The following OLA1 variants were observed in gnomAD, a reference collection of about 807,000 sequenced individuals.
OLA1 encodes obg-like ATPase 1.
Under a neutral mutation model 48.4 loss-of-function variants are expected in OLA1, and 14 were observed. That is an observed-to-expected ratio of 0.29 (90% CI 0.19 to 0.45). The LOEUF is 0.45. OLA1 is among the 20% of genes least tolerant of loss of function. The pLI is 1.00. For synonymous variants in OLA1, 127 were observed against 150.4 expected (o/e 0.84, Z 1.14); for missense variants, 325 against 467.1 (o/e 0.70, Z 2.80).
At chr2:174,176,390 T>G (rs905989543) in intron 4 of OLA1, among the ~76,000 whole-genome samples, 4 of 152,160 alleles carry the variant, frequency 2.6e-5, no homozygotes, top group African/African-American at 9.6e-5. Flanking sequence ...TTTCAAAAAT[T>G]ATTTTGGCCT....
chr2:174,229,537 G>C (rs958919375), intron 2 of OLA1, 86 bp from the exon 3 acceptor site: 195 of 931,848 alleles, frequency 2.1e-4, no homozygotes, highest in Non-Finnish European at 2.1e-4. Context: ...GCTCAAATAA[G>C]ATCCATGAGG....
At chr2:174,167,185 T>C (rs979529912) in intron 4 of OLA1, among the ~76,000 whole-genome samples, 3 of 152,036 alleles carry the variant, frequency 2.0e-5, no homozygotes, top group Non-Finnish European at 4.4e-5. Context: ...TTAGTCACTA[T>C]CATACTGGAC....
At chr2:174,076,032 T>C (rs1004536968) in intron 10 of OLA1, among the ~76,000 whole-genome samples, 1 of 152,216 alleles carries the variant, frequency 6.6e-6, no homozygotes, top group Non-Finnish European at 1.5e-5. Context: ...TACTTCCTTG[T>C]AGTTTTTAAA....
At chr2:174,179,358 C>T (rs1419488223) in intron 4 of OLA1, among the ~76,000 whole-genome samples, 1 of 151,874 alleles carries the variant, frequency 6.6e-6, no homozygotes, top group African/African-American at 2.4e-5. Context: ...GTATAATACA[C>T]TGACTGCAGT....
intron 4 of OLA1, among the ~76,000 whole-genome samples, chr2:174,152,827 G>C (rs1398771950): frequency 6.6e-6 from 1 of 152,122 alleles, no homozygotes; most frequent in Non-Finnish European, 1.5e-5. Flanking sequence ...GTTTTCCAGG[G>C]AAAAGTCTAT....
intron 4 of OLA1, among the ~76,000 whole-genome samples, chr2:174,160,053 T>G (rs1450874188): frequency 1.3e-5 from 2 of 152,052 alleles, no homozygotes; most frequent in African/African-American, 4.8e-5. Flanking sequence ...TTAAAATAAT[T>G]TAACTTTTTA....
At chr2:174,133,949 A>C (rs1686242887) in intron 5 of OLA1, among the ~76,000 whole-genome samples, 1 of 152,166 alleles carries the variant, frequency 6.6e-6, no homozygotes, top group African/African-American at 2.4e-5. Context: ...TCCTCCCCCT[A>C]GTCTCTGACA....
intron 5 of OLA1, among the ~76,000 whole-genome samples, chr2:174,139,262 A>C (rs142405743): frequency 7.2e-5 from 11 of 152,332 alleles, no homozygotes; most frequent in African/African-American, 2.4e-4. Context: ...GGCCATGTGA[A>C]GACTAAGGCA....
At chr2:174,246,312 G>A (rs376222495) in intron 2 of OLA1, among the ~76,000 whole-genome samples, 1 of 145,690 alleles carries the variant, frequency 6.9e-6, no homozygotes, top group South Asian at 2.2e-4. Flanking sequence ...AAAAAAAAAA[G>A]AAAAAGAAAA....
chr2:174,193,448 A>G (rs1208769989), intron 4 of OLA1, among the ~76,000 whole-genome samples: 1 of 152,034 alleles, frequency 6.6e-6, no homozygotes, highest in African/African-American at 2.4e-5. Context: ...CTTGCTTTTT[A>G]AATACATCTC....
intron 4 of OLA1, among the ~76,000 whole-genome samples, chr2:174,151,697 G>T (rs1031083115): frequency 6.6e-6 from 1 of 152,110 alleles, no homozygotes; most frequent in Non-Finnish European, 1.5e-5. Context: ...TAGTTCTCTA[G>T]CTCATTAATA....
Position 174,246,755 on chromosome 2 carries a change from T to A in OLA1, c.61A>T (p.Thr21Ser), listed in dbSNP as rs1689134786. The change falls in exon 2 of 11, where the codon ACC becomes TCC. Residue 21 changes from threonine (T) to serine (S), a missense_variant. Thr to Ser is a moderately conservative substitution (Grantham distance 58, BLOSUM62 1). Transcript: ENST00000284719. Reference protein sequence around the residue: ...KPPPIIGRFGTSLKIGIVGLP... With the variant: ...KPPPIIGRFGSSLKIGIVGLP... ...CCAACAATACCAATTTTCAGTGAGGTTCCAAATCTTCCAATGATTGGGGGT... is the reference window on the plus strand; with the variant it reads ...CCAACAATACCAATTTTCAGTGAGGATCCAAATCTTCCAATGATTGGGGGT... The A allele has an allele frequency of 6.2e-7, 1 of 1,612,712 alleles. No individual in the cohort carries two copies. Among genetic ancestry groups the A allele is most frequent in the Non-Finnish European group, 8.5e-7 (1 of 1,179,268 alleles).
chr2:174,084,922 T>C (rs1684934958), intron 7 of OLA1, among the ~76,000 whole-genome samples: 1 of 152,192 alleles, frequency 6.6e-6, no homozygotes, highest in East Asian at 1.9e-4. Flanking sequence ...TCAAATTATA[T>C]GGTGGGTGGG....
chr2:174,212,511 A>AT (rs983914615), intron 4 of OLA1, among the ~76,000 whole-genome samples: 64 of 152,238 alleles, frequency 4.2e-4, no homozygotes, highest in Non-Finnish European at 7.2e-4. Flanking sequence ...ATTTATGTTA[A>AT]TTTTTTTCTT....
At chr2:174,156,774 AG>A (rs1242082920) in intron 4 of OLA1, among the ~76,000 whole-genome samples, 1 of 151,584 alleles carries the variant, frequency 6.6e-6, no homozygotes, top group African/African-American at 2.4e-5. Flanking sequence ...TAGTAGAGAC[AG>A]GGTTTCACCA....
In OLA1 at chr2:174,185,060, G is replaced by T. The variant is rs1224361454; in HGVS notation, c.373+37973C>A. On this transcript the variant is annotated intron_variant, in intron 4 of 10. Transcript: ENST00000284719. ...AATCTTAACATAAATGGTCCAGCTT[G>T]GTGGAGCAGATCCCCGTTCCTTGTA... Among the ~76,000 whole-genome samples, 2 of 152,110 alleles carry T rather than the reference G, an allele frequency of 1.3e-5. 1 individual carries two copies. The highest frequency in any genetic ancestry group is 4.1e-4 in the South Asian group (2 of 4,828).
intron 5 of OLA1, among the ~76,000 whole-genome samples, chr2:174,135,981 G>A (rs930038263): frequency 1.3e-5 from 2 of 152,136 alleles, no homozygotes; most frequent in African/African-American, 4.8e-5. Flanking sequence ...TCTATTAAGC[G>A]TACAATAGCA....
At chr2:174,156,578 CTTTTT>C (rs5836451) in intron 4 of OLA1, among the ~76,000 whole-genome samples, 3 of 74,188 alleles carry the variant, frequency 4.0e-5, no homozygotes, top group Non-Finnish European at 7.7e-5. Context: ...CTCCCACACT[CTTTTT>C]TTTTTTTTTT....
chr2:174,081,541 G>A (rs1369277460), intron 8 of OLA1, among the ~76,000 whole-genome samples: 1 of 151,818 alleles, frequency 6.6e-6, no homozygotes, highest in Non-Finnish European at 1.5e-5. Context: ...TCCAGGACCT[G>A]GCCATAAAAG....
Sources: gnomAD v4.1 joint callset for allele counts (sites outside exome capture counted in the v4.1 genomes callset) on GRCh38, gnomAD v4.1.1 for gene constraint, MANE v1.5 for transcripts, NCBI Gene and HGNC (gene_info 2026-07-23, HGNC 2026-07-21) for gene names.